The following DRAM2 variants were observed in gnomAD, a reference collection of about 807,000 sequenced individuals.
DRAM2 encodes DNA damage-regulated autophagy modulator protein 2.
In DRAM2, 26 loss-of-function variants were observed where a neutral mutation model predicts 33.5. The observed-to-expected ratio is 0.78, with a 90% CI of 0.57 to 1.08. The LOEUF (loss-of-function observed/expected upper bound fraction) is 1.08, where lower values mean the gene tolerates loss of function less well. Ranked by LOEUF, DRAM2 falls within the 50% of genes least tolerant of loss-of-function variation. The pLI, the probability that DRAM2 is intolerant of heterozygous loss-of-function variation, is 0.00. For synonymous variants in DRAM2, 98 were observed against 109.5 expected, an observed-to-expected ratio of 0.89 and a Z score of 0.66; for missense variants, 311 against 318.1, an observed-to-expected ratio of 0.98 and a Z score of 0.17.
chr1:111,135,221 AC>A (rs1652929279), intron 3 of DRAM2, among the ~76,000 whole-genome samples: 1 of 151,988 alleles, frequency 6.6e-6, no homozygotes, highest in Non-Finnish European at 1.5e-5. Flanking sequence ...TGAAAACATC[AC>A]CCCCTGAAAC....
At chr1:111,121,274 T>C (rs989380802) in intron 6 of DRAM2, among the ~76,000 whole-genome samples, 2 of 152,088 alleles carry the variant, frequency 1.3e-5, no homozygotes, top group African/African-American at 4.8e-5. Context: ...TCTAGCTTGA[T>C]TGGTTATATA....
At chr1:111,124,958 G>A (rs1052434030) in intron 5 of DRAM2, 77 bp from the exon 6 acceptor site, 53 of 1,253,454 alleles carry the variant, frequency 4.2e-5, no homozygotes, top group Middle Eastern at 2.4e-4. Flanking sequence ...AGTTCACAAA[G>A]GTCACTGCTA....
intron 5 of DRAM2, 87 bp downstream of exon 5, chr1:111,126,140 G>T: frequency 1.2e-6 from 1 of 813,584 alleles, no homozygotes; most frequent in Non-Finnish European, 2.1e-6. Context: ...TAACTAGAAA[G>T]TAAAACAAGT....
chr1:111,138,980 A>C (rs1362573222), intron 2 of DRAM2: 2 of 152,232 alleles, frequency 1.3e-5, no homozygotes, highest in Non-Finnish European at 2.9e-5. Flanking sequence ...GGAAGTTCCA[A>C]GTGAACGGTC....
intron 2 of DRAM2, among the ~76,000 whole-genome samples, chr1:111,138,202 C>T (rs1476631084): frequency 2.0e-5 from 3 of 152,168 alleles, no homozygotes; most frequent in Admixed American, 6.6e-5. Flanking sequence ...ATCTTGGATT[C>T]GTATCTCCTT....
At chr1:111,118,334 T>C (rs72691271) in intron 9 of DRAM2, 67 bp from the exon 10 acceptor site, 20 of 1,010,758 alleles carry the variant, frequency 2.0e-5, no homozygotes, top group Non-Finnish European at 2.9e-5. Flanking sequence ...CTTCAATATG[T>C]TCTATAGGCT....
Position 111,120,559 on chromosome 1 carries a change from G to A in DRAM2, c.474C>T (p.Ile158=), listed in dbSNP as rs751288625. 4.3e-6 allele frequency: 7 copies of A among 1,612,174 alleles called. No homozygotes were observed. The highest frequency in any genetic ancestry group is 5.9e-6 in the Non-Finnish European group (7 of 1,178,914). ...CACACCAGATAACCAACAACAGTCT[G>A]ATCCAGAAGACTTGTTTGCCATGGA... The part of the protein sequence containing the change: ...PKIHGKQVFW[I]RLLLVIWCGV... Residue 158 remains isoleucine (I), a synonymous_variant, in exon 7 of 10, where the codon ATC becomes ATT. Transcript: ENST00000484310.
At chr1:111,137,146 G>A (rs765823447) in intron 3 of DRAM2, among the ~76,000 whole-genome samples, 3 of 151,492 alleles carry the variant, frequency 2.0e-5, no homozygotes, top group African/African-American at 4.9e-5. Flanking sequence ...CCAGCTACTC[G>A]GGACGCTGAG....
At chr1:111,127,742 A>C (rs1651302360) in intron 4 of DRAM2, among the ~76,000 whole-genome samples, 1 of 152,176 alleles carries the variant, frequency 6.6e-6, no homozygotes, top group African/African-American at 2.4e-5. Context: ...TGGTTGGCTA[A>C]GAGTGTTCCT....
chr1:111,118,545 A>C, intron 9 of DRAM2: 1 of 490,746 alleles, frequency 2.0e-6, no homozygotes, highest in East Asian at 3.3e-5. Flanking sequence ...CACAGAATCG[A>C]TAACAAATTC....
intron 8 of DRAM2, 92 bp downstream of exon 8, chr1:111,119,785 T>A: frequency 1.1e-5 from 12 of 1,072,716 alleles, no homozygotes; most frequent in Non-Finnish European, 1.7e-5. Flanking sequence ...CAGAAGACTT[T>A]CATTGTTACT....
intron 9 of DRAM2, 195 bp from the exon 10 acceptor site, chr1:111,118,462 A>C: frequency 4.0e-6 from 2 of 506,100 alleles, no homozygotes; most frequent in Non-Finnish European, 6.9e-6. Context: ...CAATTCATAA[A>C]GTTCCCTGTT....
intron 3 of DRAM2, among the ~76,000 whole-genome samples, chr1:111,135,705 G>A (rs1653018071): frequency 6.6e-6 from 1 of 152,076 alleles, no homozygotes; most frequent in South Asian, 2.1e-4. Context: ...GTAGAAATAA[G>A]CACCCCTTTC....
chr1:111,134,184 T>G (rs930749586), intron 3 of DRAM2, among the ~76,000 whole-genome samples: 1 of 152,208 alleles, frequency 6.6e-6, no homozygotes, highest in Non-Finnish European at 1.5e-5. Flanking sequence ...TTAAGAAACA[T>G]TGGTACAAAT....
intron 3 of DRAM2, among the ~76,000 whole-genome samples, chr1:111,134,600 A>G (rs1371125441): frequency 6.6e-6 from 1 of 152,240 alleles, no homozygotes; most frequent in African/African-American, 2.4e-5. Context: ...TCCCCAGCAT[A>G]GGTTTCCAGG....
chr1:111,124,476 C>T (rs1650604916), intron 6 of DRAM2, among the ~76,000 whole-genome samples: 1 of 152,104 alleles, frequency 6.6e-6, no homozygotes, highest in South Asian at 2.1e-4. Context: ...TAATCTCCAA[C>T]TAAGTAGTAA....
intron 2 of DRAM2, among the ~76,000 whole-genome samples, chr1:111,138,279 G>C (rs1295377424): frequency 6.6e-6 from 1 of 152,228 alleles, no homozygotes; most frequent in African/African-American, 2.4e-5. Context: ...TGGTTTACCA[G>C]TTTGCGAATG....
chr1:111,138,962 G>T (rs1448552157), intron 2 of DRAM2: 1 of 152,142 alleles, frequency 6.6e-6, no homozygotes, highest in East Asian at 1.9e-4. Context: ...AATAAGAAAG[G>T]AAATTCTGGA....
intron 3 of DRAM2, among the ~76,000 whole-genome samples, chr1:111,133,131 C>T (rs996089305): frequency 6.6e-6 from 1 of 151,930 alleles, no homozygotes; most frequent in African/African-American, 2.4e-5. Context: ...AGTCTTTGCT[C>T]CTTAACGTGG....
Sources: allele counts gnomAD v4.1 joint callset (sites outside exome capture counted in the v4.1 genomes callset), GRCh38; gene constraint gnomAD v4.1.1; transcripts MANE v1.5; gene names NCBI Gene and HGNC (gene_info 2026-07-23, HGNC 2026-07-21).